RFX7: variants seen among roughly 807,000 people sequenced by gnomAD.
RFX7 encodes regulatory factor X7.
In RFX7, 26 loss-of-function variants were observed where a neutral mutation model predicts 111.8. The ratio of observed to expected loss-of-function variants is 0.23; its 90% CI spans 0.17 to 0.32. The LOEUF (loss-of-function observed/expected upper bound fraction) is 0.32. RFX7 is among the 10% of genes least tolerant of loss of function. The pLI is 1.00. For missense variants in RFX7, 1,573 were observed against 1,772.9 expected, an observed-to-expected ratio of 0.89 and a Z score of 2.02; for synonymous variants, 624 against 624.4, an observed-to-expected ratio of 1.00 and a Z score of 0.01.
At chr15:56,193,159 C>G (rs1422340065) in intron 2 of RFX7, 1 of 219,660 alleles carries the variant, frequency 4.6e-6, no homozygotes, top group Non-Finnish European at 1.0e-5. Context: ...CTGCAGCAAC[C>G]TGTGTGATGC....
chr15:56,114,111 T>C (rs2041974226), intron 5 of RFX7, among the ~76,000 whole-genome samples: 2 of 151,996 alleles, frequency 1.3e-5, no homozygotes, highest in African/African-American at 2.4e-5. Context: ...CATAAAGAAA[T>C]TGGTCTTTTC....
rs375163549 is a variant in RFX7, at chr15:56,206,532, T to C, written c.162-27229A>G. 1.3e-5 allele frequency among the ~76,000 whole-genome samples: 2 copies of C among 152,192 alleles called. 1 individual carries two copies. ...TAGCCCAAAGAAAGGAATCAGTATG[T>C]CAAAGAGATATCTGCACTCCCATGT... On this transcript the variant is annotated intron_variant, in intron 2 of 9. Transcript: ENST00000559447.
intron 2 of RFX7, among the ~76,000 whole-genome samples, chr15:56,227,986 G>C (rs567022521): frequency 1.3e-5 from 2 of 152,174 alleles, no homozygotes; most frequent in East Asian, 1.9e-4. Flanking sequence ...CAAAATTCTA[G>C]GTTGGCGGTT....
chr15:56,232,853 A>G (rs182208275), intron 2 of RFX7, among the ~76,000 whole-genome samples: 6 of 152,276 alleles, frequency 3.9e-5, no homozygotes, highest in Admixed American at 2.0e-4. Flanking sequence ...TCCATCAGAG[A>G]CCACCTGAGC....
chr15:56,173,638 T>C (rs2042869922), intron 3 of RFX7, among the ~76,000 whole-genome samples: 1 of 151,380 alleles, frequency 6.6e-6, no homozygotes, highest in Admixed American at 6.6e-5. Context: ...AAAAATTAGC[T>C]GGGTGTAGTG....
intron 2 of RFX7, among the ~76,000 whole-genome samples, chr15:56,195,034 A>C (rs1467325247): frequency 6.6e-6 from 1 of 152,174 alleles, no homozygotes; most frequent in East Asian, 1.9e-4. Context: ...TGAATGGATA[A>C]ACAAAATGTG....
intron 3 of RFX7, chr15:56,160,638 A>G (rs1226132036): frequency 6.6e-6 from 1 of 152,080 alleles, no homozygotes; most frequent in Non-Finnish European, 1.5e-5. Context: ...CAAAAAGGAG[A>G]AAGTATAAGG....
chr15:56,137,174 A>C (rs1373427116), intron 5 of RFX7, among the ~76,000 whole-genome samples: 1 of 152,078 alleles, frequency 6.6e-6, no homozygotes, highest in African/African-American at 2.4e-5. Context: ...TGATTGGAAT[A>C]GTTTCAGAAG....
chr15:56,222,953 T>A (rs1293362112), intron 2 of RFX7, among the ~76,000 whole-genome samples: 1 of 152,212 alleles, frequency 6.6e-6, no homozygotes, highest in Admixed American at 6.5e-5. Flanking sequence ...TTACTGGCAG[T>A]TTAACCTAGT....
At chr15:56,228,250 G>C (rs563126670) in intron 2 of RFX7, among the ~76,000 whole-genome samples, 6 of 151,734 alleles carry the variant, frequency 4.0e-5, no homozygotes, top group African/African-American at 1.4e-4. Context: ...ATTAATTCTG[G>C]GAAATCCTCA....
At position 56,093,246 on chromosome 15, in the gene RFX7, C is replaced by T. The variant is rs971012474; in HGVS notation, c.*99G>A. ...TCTGCAGCAAACGCTTTTAAAATGT[C>T]ACAATTAATAGTATTTCTGCTGCGG... is the stretch of plus-strand genomic sequence containing the variant. On this transcript the variant is annotated 3_prime_UTR_variant, in exon 10 of 10. Coordinates refer to ENST00000559447, the MANE Select transcript of RFX7 (RefSeq NM_022841.7). 3.3e-5 allele frequency: 36 copies of T among 1,093,000 alleles called. No individual in the cohort carries two copies. The highest frequency in any genetic ancestry group is 5.8e-5 in the Admixed American group (2 of 34,706). The allele number at this position is 1,093,000 out of a possible 1,614,324, so 67.7% of individuals were successfully genotyped here.
intron 3 of RFX7, among the ~76,000 whole-genome samples, chr15:56,163,366 C>G (rs1263676949): frequency 6.6e-6 from 1 of 152,108 alleles, no homozygotes; most frequent in Non-Finnish European, 1.5e-5. Flanking sequence ...GTCTGTTTCT[C>G]AGGAACACTT....
chr15:56,225,512 C>T (rs1175240855), intron 2 of RFX7, among the ~76,000 whole-genome samples: 2 of 152,154 alleles, frequency 1.3e-5, no homozygotes, highest in African/African-American at 4.8e-5. Context: ...TAAAGCAAGA[C>T]ATAAATCGTA....
intron 5 of RFX7, among the ~76,000 whole-genome samples, chr15:56,111,661 CAAAAAA>C (rs371681721): frequency 2.1e-5 from 2 of 95,578 alleles, no homozygotes; most frequent in South Asian, 4.0e-4. Context: ...ATAAATAAAC[CAAAAAA>C]AAAAAAAAAA....
intron 2 of RFX7, among the ~76,000 whole-genome samples, chr15:56,193,682 T>A (rs1190501774): frequency 6.6e-6 from 1 of 152,094 alleles, no homozygotes; most frequent in Non-Finnish European, 1.5e-5. Flanking sequence ...ACATCTCAAG[T>A]CATATTACCA....
At chr15:56,177,162 A>G (rs1466993143) in intron 3 of RFX7, among the ~76,000 whole-genome samples, 2 of 151,978 alleles carry the variant, frequency 1.3e-5, no homozygotes. Context: ...TTTTGTACCT[A>G]CTGTTCCTTC....
chr15:56,107,048 A>G (rs1429184386), intron 5 of RFX7, among the ~76,000 whole-genome samples: 11 of 152,086 alleles, frequency 7.2e-5, no homozygotes, highest in Admixed American at 7.2e-4. Context: ...CCGTAATCCC[A>G]TCACTTTGGG....
At position 56,094,164 on chromosome 15, in the gene RFX7, G is replaced by A. The variant is rs1349500252; in HGVS notation, c.3564C>T (p.Ile1188=). ...SGSTLYPVSN[I]PRSNVTPFGS... ...CAAAGGGGGTCACATTAGATCGTGG[G>A]ATATTAGATACTGGATAGAGGGTGC... The change falls in exon 10 of 10, where the codon ATC becomes ATT. Residue 1188 remains isoleucine (I), a synonymous_variant. Transcript: ENST00000559447. 1.2e-6 allele frequency: 2 copies of A among 1,613,950 alleles called. No homozygotes were observed. Among genetic ancestry groups the A allele is most frequent in the Non-Finnish European group, 1.7e-6 (2 of 1,179,882 alleles).
chr15:56,141,342 G>C (rs1338717108), intron 5 of RFX7, among the ~76,000 whole-genome samples: 1 of 151,856 alleles, frequency 6.6e-6, no homozygotes. Context: ...CTCCAGCCTA[G>C]GTGACAAGAG....
Sources: gnomAD v4.1 joint callset for allele counts (sites outside exome capture counted in the v4.1 genomes callset) on GRCh38, gnomAD v4.1.1 for gene constraint, MANE v1.5 for transcripts, NCBI Gene and HGNC (gene_info 2026-07-23, HGNC 2026-07-21) for gene names.